Variants in CYB5R3 observed in about 807,000 individuals in gnomAD.
The protein encoded by CYB5R3 is cytochrome b5 reductase 3.
CYB5R3 carries 28 observed loss-of-function variants against 36.5 expected under a neutral mutation model. The ratio of observed to expected loss-of-function variants is 0.77; its 90% CI spans 0.57 to 1.05. CYB5R3 has a LOEUF of 1.05. Ranked by LOEUF, CYB5R3 falls within the 50% of genes least tolerant of loss-of-function variation. The probability of loss-of-function intolerance (pLI) is 0.00; values close to 1 mark genes in which losing one functional copy is unlikely to be tolerated. For synonymous variants in CYB5R3, 181 were observed against 159.8 expected, an observed-to-expected ratio of 1.13 and a Z score of -1.00; for missense variants, 474 against 408.9, an observed-to-expected ratio of 1.16 and a Z score of -1.37.
Position 42,627,667 on chromosome 22 carries a change from T to C in CYB5R3, c.485A>G (p.Asp162Gly), listed in dbSNP as rs1020573418. 1 of 1,613,962 alleles carries C rather than the reference T, an allele frequency of 6.2e-7. No individual in the cohort carries two copies. The highest frequency in any genetic ancestry group is 2.2e-5 in the East Asian group (1 of 44,880). ...CCTGATGATAGGGTTGGACTTTTTG[T>C]CAGGTCGGATGGCGAACTTCCCTGG... ...QGKGKFAIRP[D>G]KKSNPIIRTV... The change falls in exon 6 of 9, where the codon GAC (aspartate) becomes GGC (glycine). Residue 162 changes from aspartate (D) to glycine (G), a missense_variant. Physicochemically the swap from Asp to Gly is moderately conservative, Grantham distance 94. Coordinates refer to ENST00000352397, the MANE Select transcript of CYB5R3 (RefSeq NM_000398.7).
intron 1 of CYB5R3, chr22:42,646,782 G>T: frequency 1.0e-6 from 1 of 986,594 alleles, no homozygotes; most frequent in Non-Finnish European, 1.2e-6. Flanking sequence ...AACTGTGGGG[G>T]AAGGGAACCC....
chr22:42,648,051 G>A (rs1205842090), intron 1 of CYB5R3, among the ~76,000 whole-genome samples: 2 of 152,176 alleles, frequency 1.3e-5, no homozygotes, highest in African/African-American at 2.4e-5. Context: ...GATGCTTTCT[G>A]GGGAAAAATG....
At chr22:42,639,991 T>C (rs1348759544) in intron 1 of CYB5R3, 4 of 1,612,380 alleles carry the variant, frequency 2.5e-6, no homozygotes, top group Admixed American at 3.3e-5. Context: ...GATGCCACGC[T>C]TGCCTGTGAT....
At position 42,641,553 on chromosome 22, in the gene CYB5R3, T is replaced by G. The variant is rs184809951; in HGVS notation, c.22-4707A>C. On this transcript the variant is annotated intron_variant, in intron 1 of 8. Coordinates refer to ENST00000352397, the MANE Select transcript of CYB5R3 (RefSeq NM_000398.7). ...CAGGCTGGAGTGCAGTGGTGAGATCTCAACTCACAGCAACCTCCACCTCCC... is the reference window on the plus strand; with the variant it reads ...CAGGCTGGAGTGCAGTGGTGAGATCGCAACTCACAGCAACCTCCACCTCCC... 5.3e-3 allele frequency among the ~76,000 whole-genome samples: 809 copies of G among 152,270 alleles called. 10 individuals carry two copies. The highest frequency in any genetic ancestry group is 0.019 in the African/African-American group (773 of 41,548).
intron 1 of CYB5R3, among the ~76,000 whole-genome samples, chr22:42,648,805 GCAGT>G (rs1929640434): frequency 2.6e-5 from 4 of 151,980 alleles, no homozygotes; most frequent in South Asian, 2.1e-4. Context: ...ACGTTCAGTC[GCAGT>G]CAGTGACATC....
At chr22:42,636,524 CAG>C (rs1157473947) in intron 2 of CYB5R3, among the ~76,000 whole-genome samples, 189 bp downstream of exon 2, 3 of 152,326 alleles carry the variant, frequency 2.0e-5, no homozygotes, top group South Asian at 4.1e-4. Context: ...GCTCTGTGGA[CAG>C]AGAGACCAGG....
intron 1 of CYB5R3, chr22:42,646,670 G>C: frequency 1.0e-6 from 1 of 985,688 alleles, no homozygotes; most frequent in Non-Finnish European, 1.2e-6. Context: ...CAGCGGTCCT[G>C]CCAGAATCTG....
intron 5 of CYB5R3, 140 bp from the exon 6 acceptor site, chr22:42,627,828 A>C: frequency 2.7e-6 from 2 of 748,358 alleles, no homozygotes; most frequent in African/African-American, 3.4e-5. Flanking sequence ...GCGAGCCATG[A>C]GGAAGGTGCA....
intron 1 of CYB5R3, chr22:42,644,397 C>T (rs984029278): frequency 3.5e-5 from 25 of 712,684 alleles, no homozygotes; most frequent in Admixed American, 1.2e-4. Context: ...CACCTCCCAG[C>T]TCTCTGCTCT....
intron 1 of CYB5R3, among the ~76,000 whole-genome samples, chr22:42,645,440 G>A (rs1929492887): frequency 6.6e-6 from 1 of 152,216 alleles, no homozygotes; most frequent in Non-Finnish European, 1.5e-5. Flanking sequence ...AAGAGCACAG[G>A]CCTCAGAGGT....
At chr22:42,628,411 C>T (rs1317271524) in intron 4 of CYB5R3, 130 bp from the exon 5 acceptor site, 1 of 1,140,198 alleles carries the variant, frequency 8.8e-7, no homozygotes, top group South Asian at 1.3e-5. Context: ...TCCCGTGGAG[C>T]CCCATCCACC....
intron 4 of CYB5R3, 108 bp from the exon 5 acceptor site, chr22:42,628,389 C>G: frequency 7.1e-7 from 1 of 1,409,172 alleles, no homozygotes; most frequent in Non-Finnish European, 9.9e-7. Context: ...CTGAGGCCCA[C>G]ACATGGCCTT....
Position 42,632,050 on chromosome 22 carries a change from GT to G in CYB5R3, c.154-601del, listed in dbSNP as rs1928649788. The G allele has an allele frequency of 1.3e-5, 2 of 157,138 alleles. 1 individual carries two copies. The highest frequency in any genetic ancestry group is 3.8e-4 in the East Asian group (2 of 5,322). 9.7% of individuals were successfully genotyped at this position (157,138 alleles called of 1,614,324 possible). A position where few individuals can be genotyped will look rare whatever the true frequency, so the allele number is the denominator to read the frequency against. Reference sequence around the variant, plus strand: ...GCACAGGGTGGGCACCCAGGGCATGGTCAGTGGCTGGGACAGTGGCAGAGGA... The same window carrying G: ...GCACAGGGTGGGCACCCAGGGCATGGCAGTGGCTGGGACAGTGGCAGAGGA... On this transcript the variant is annotated intron_variant, in intron 2 of 8. Coordinates refer to ENST00000352397, the MANE Select transcript of CYB5R3 (RefSeq NM_000398.7).
At chr22:42,629,636 C>G (rs889936421) in intron 4 of CYB5R3, among the ~76,000 whole-genome samples, 5 of 152,178 alleles carry the variant, frequency 3.3e-5, no homozygotes, top group African/African-American at 1.2e-4. Context: ...CCAGACCTGG[C>G]AAGGTAAGGG....
chr22:42,639,138 T>A (rs1406702807), intron 1 of CYB5R3: 1 of 368,018 alleles, frequency 2.7e-6, no homozygotes, highest in East Asian at 9.2e-5. Flanking sequence ...GAGACCAGCC[T>A]GGCCAACATG....
chr22:42,638,970 G>A, intron 1 of CYB5R3: 1 of 371,394 alleles, frequency 2.7e-6, no homozygotes, highest in Non-Finnish European at 5.2e-6. Flanking sequence ...GGAGATGGAG[G>A]TTGCAGTGAG....
At chr22:42,641,249 G>C (rs747334741) in intron 1 of CYB5R3, among the ~76,000 whole-genome samples, 7 of 152,138 alleles carry the variant, frequency 4.6e-5, no homozygotes, top group Admixed American at 3.9e-4. Context: ...TTATTGGTAA[G>C]GCTTCTAGTC....
At chr22:42,625,051 T>C (rs1267269697) in intron 7 of CYB5R3, among the ~76,000 whole-genome samples, 1 of 151,766 alleles carries the variant, frequency 6.6e-6, no homozygotes, top group African/African-American at 2.4e-5. Context: ...TCTGCCCTAA[T>C]GGGGTGAGGA....
At position 42,649,333 on chromosome 22, in the gene CYB5R3, C is replaced by T. The variant is rs969319816; in HGVS notation, c.-18G>A. 129 of 1,007,554 alleles carry T rather than the reference C, an allele frequency of 1.3e-4. No individual in the cohort carries two copies. Among genetic ancestry groups the T allele is most frequent in the Middle Eastern group, 9.5e-4 (2 of 2,104 alleles). 62.4% of individuals were successfully genotyped at this position (1,007,554 alleles called of 1,614,324 possible). A position where few individuals can be genotyped will look rare whatever the true frequency, so the allele number is the denominator to read the frequency against. On this transcript the variant is annotated 5_prime_UTR_variant, in exon 1 of 9. Transcript: ENST00000352397. Reference sequence around the variant, plus strand: ...GCCCCCATGGTGGCCCCGCGCCGCGCTCGCTCTGTCGCCGCCGCCGCCGCC... The same window carrying T: ...GCCCCCATGGTGGCCCCGCGCCGCGTTCGCTCTGTCGCCGCCGCCGCCGCC...
Sources: gnomAD v4.1 joint callset for allele counts (sites outside exome capture counted in the v4.1 genomes callset) on GRCh38, gnomAD v4.1.1 for gene constraint, MANE v1.5 for transcripts, NCBI Gene and HGNC (gene_info 2026-07-23, HGNC 2026-07-21) for gene names.